Variants in DLGAP1 observed in about 807,000 individuals in gnomAD.
DLGAP1 encodes the protein DLG associated protein 1.
DLGAP1 carries 11 observed loss-of-function variants against 90.8 expected under a neutral mutation model. That is an observed-to-expected ratio of 0.12 (90% CI 0.08 to 0.20). DLGAP1 has a LOEUF of 0.20. Among genes scored for constraint, DLGAP1 ranks in the 10% least tolerant of loss-of-function variants. DLGAP1 has a pLI of 1.00. For synonymous variants in DLGAP1, 558 were observed against 540.7 expected (o/e 1.03, Z -0.44); for missense variants, 1,050 against 1,333.8 (o/e 0.79, Z 3.31).
intron 5 of DLGAP1, among the ~76,000 whole-genome samples, chr18:3,797,998 C>T (rs914530181): frequency 2.0e-5 from 3 of 152,136 alleles, no homozygotes; most frequent in Non-Finnish European, 2.9e-5. Flanking sequence ...CTCTCATTGC[C>T]GCTCTTGCCT....
chr18:4,443,944 TGG>T (rs2083597966), intron 1 of DLGAP1, among the ~76,000 whole-genome samples: 4 of 152,220 alleles, frequency 2.6e-5, no homozygotes, highest in Admixed American at 6.5e-5. Flanking sequence ...TGAAAACCAG[TGG>T]AATGTTCCCA....
At chr18:4,061,520 G>A (rs1413412438) in intron 2 of DLGAP1, among the ~76,000 whole-genome samples, 1 of 152,054 alleles carries the variant, frequency 6.6e-6, no homozygotes, top group Non-Finnish European at 1.5e-5. Context: ...AATTGTAAAA[G>A]ATTATAAAAG....
At chr18:3,623,209 T>C (rs1465463054) in intron 7 of DLGAP1, among the ~76,000 whole-genome samples, 4 of 152,182 alleles carry the variant, frequency 2.6e-5, no homozygotes, top group Non-Finnish European at 5.9e-5. Context: ...AAAGCATTGA[T>C]TTAAGAGAGT....
chr18:3,886,965 T>G (rs1253606042), intron 3 of DLGAP1, among the ~76,000 whole-genome samples: 1 of 152,186 alleles, frequency 6.6e-6, no homozygotes, highest in Non-Finnish European at 1.5e-5. Flanking sequence ...GTTTGAGGAT[T>G]AGAGAAACAA....
chr18:3,885,094 T>C (rs1054576054), intron 3 of DLGAP1, among the ~76,000 whole-genome samples: 17 of 152,242 alleles, frequency 1.1e-4, no homozygotes, highest in African/African-American at 4.1e-4. Flanking sequence ...CTAAGGCCAT[T>C]GGCAATGGGT....
intron 1 of DLGAP1, among the ~76,000 whole-genome samples, chr18:4,440,120 CAAAAAA>C (rs35152199): frequency 2.0e-5 from 1 of 49,354 alleles, no homozygotes; most frequent in African/African-American, 7.9e-5. Context: ...ACTCCGTCAC[CAAAAAA>C]AAAAAAAAAA....
At chr18:4,281,918 A>C (rs964527175) in intron 1 of DLGAP1, among the ~76,000 whole-genome samples, 2 of 152,202 alleles carry the variant, frequency 1.3e-5, no homozygotes, top group Non-Finnish European at 2.9e-5. Flanking sequence ...TGAAACATCT[A>C]TAATGTAAGA....
At chr18:4,280,808 G>C (rs1390271782) in intron 1 of DLGAP1, 8 of 152,186 alleles carry the variant, frequency 5.3e-5, no homozygotes, top group Non-Finnish European at 1.0e-4. Context: ...TCTAACAGTG[G>C]TTGGGCATAG....
At chr18:4,329,050 T>G (rs2080889095) in intron 1 of DLGAP1, among the ~76,000 whole-genome samples, 1 of 151,966 alleles carries the variant, frequency 6.6e-6, no homozygotes, top group African/African-American at 2.4e-5. Flanking sequence ...AAATGTCCAA[T>G]GTACCAACAT....
At chr18:3,669,813 T>C (rs967130952) in intron 7 of DLGAP1, among the ~76,000 whole-genome samples, 2 of 152,192 alleles carry the variant, frequency 1.3e-5, no homozygotes, top group Non-Finnish European at 2.9e-5. Context: ...GAAAGTCCTC[T>C]GTCCTTGTGA....
chr18:3,661,248 T>A (rs2059669186), intron 7 of DLGAP1, among the ~76,000 whole-genome samples: 2 of 152,178 alleles, frequency 1.3e-5, no homozygotes. Context: ...CTCTATGATG[T>A]CACTTATAGG....
At chr18:3,505,562 C>T (rs1163131736) in intron 11 of DLGAP1, among the ~76,000 whole-genome samples, 1 of 147,300 alleles carries the variant, frequency 6.8e-6, no homozygotes, top group Non-Finnish European at 1.5e-5. Context: ...TGCTTGAACC[C>T]GTGAGGCAGA....
intron 3 of DLGAP1, among the ~76,000 whole-genome samples, chr18:3,888,554 TAA>T (rs35335361): frequency 1.4e-5 from 2 of 141,308 alleles, no homozygotes; most frequent in East Asian, 2.2e-4. Context: ...ATGGTATTGT[TAA>T]AAAAAAAAAA....
chr18:3,695,938 AG>A (rs1176517960), intron 7 of DLGAP1, among the ~76,000 whole-genome samples: 1 of 152,096 alleles, frequency 6.6e-6, no homozygotes, highest in Non-Finnish European at 1.5e-5. Context: ...TTGTATTTCT[AG>A]ATATTTTATT....
At chr18:4,139,081 C>A (rs2076452893) in intron 2 of DLGAP1, among the ~76,000 whole-genome samples, 1 of 151,812 alleles carries the variant, frequency 6.6e-6, no homozygotes, top group South Asian at 2.1e-4. Flanking sequence ...TTTATAAAAG[C>A]AACTTTCCTT....
chr18:4,049,912 GTCCATCCATCCATCCATCCATCCA>G (rs57986910), intron 2 of DLGAP1, among the ~76,000 whole-genome samples: 2 of 148,698 alleles, frequency 1.3e-5, no homozygotes, highest in Non-Finnish European at 3.0e-5. Context: ...CCATCCAACG[GTCCATCCATCCATCCATCCATCCA>G]TCCATCCATC....
chr18:4,179,736 T>C (rs2077174940), intron 1 of DLGAP1, among the ~76,000 whole-genome samples: 1 of 152,132 alleles, frequency 6.6e-6, no homozygotes, highest in South Asian at 2.1e-4. Context: ...AAAAGAAAGC[T>C]CTTTCTTCTA....
chr18:4,210,807 T>C (rs1375045345), intron 1 of DLGAP1, among the ~76,000 whole-genome samples: 1 of 152,182 alleles, frequency 6.6e-6, no homozygotes, highest in Non-Finnish European at 1.5e-5. Context: ...CTATTACAAC[T>C]CTTCAGACAA....
At chr18:4,382,835 A>G (rs765612532) in intron 1 of DLGAP1, among the ~76,000 whole-genome samples, 24 of 152,198 alleles carry the variant, frequency 1.6e-4, no homozygotes, top group Admixed American at 1.3e-4. Flanking sequence ...AGAAAGATTT[A>G]TTAAATAGGT....
Sources: gnomAD v4.1 joint callset for allele counts (sites outside exome capture counted in the v4.1 genomes callset) on GRCh38, gnomAD v4.1.1 for gene constraint, MANE v1.5 for transcripts, NCBI Gene and HGNC (gene_info 2026-07-23, HGNC 2026-07-21) for gene names.